Variants in CWC27 observed in about 807,000 individuals in gnomAD.
CWC27 encodes the protein CWC27 spliceosome associated cyclophilin, also known as spliceosome-associated protein CWC27 homolog.
A neutral mutation model predicts 63.6 loss-of-function variants in CWC27; 47 were observed. The ratio of observed to expected loss-of-function variants is 0.74; its 90% CI spans 0.58 to 0.94. The LOEUF (loss-of-function observed/expected upper bound fraction) is 0.94, where lower values mean the gene tolerates loss of function less well. Among genes scored for constraint, CWC27 ranks in the 40% least tolerant of loss-of-function variants. The probability of loss-of-function intolerance (pLI) is 0.00; values close to 1 mark genes in which losing one functional copy is unlikely to be tolerated. For missense variants in CWC27, 495 were observed against 554.3 expected (o/e 0.89, Z 1.07); for synonymous variants, 175 against 179.8 (o/e 0.97, Z 0.22).
intron 10 of CWC27, among the ~76,000 whole-genome samples, chr5:64,832,700 T>A (rs1379224496): frequency 2.0e-5 from 3 of 151,818 alleles, no homozygotes; most frequent in Non-Finnish European, 4.4e-5. Context: ...GAAACTGGCA[T>A]TTTTTAAAAA....
chr5:64,975,297 A>G (rs748070195), intron 12 of CWC27, among the ~76,000 whole-genome samples: 1 of 152,118 alleles, frequency 6.6e-6, no homozygotes, highest in Non-Finnish European at 1.5e-5. Flanking sequence ...TCTTATTGAT[A>G]CTCTCTAGAT....
intron 10 of CWC27, among the ~76,000 whole-genome samples, chr5:64,824,838 T>G (rs889674981): frequency 6.7e-6 from 1 of 148,754 alleles, no homozygotes; most frequent in Non-Finnish European, 1.5e-5. Context: ...GTTCAAGAGA[T>G]TCTCCTGCCT....
intron 10 of CWC27, among the ~76,000 whole-genome samples, chr5:64,863,230 T>C (rs1364911231): frequency 6.6e-6 from 1 of 152,154 alleles, no homozygotes; most frequent in Non-Finnish European, 1.5e-5. Context: ...TTCTGCTACC[T>C]ATAAGTTAGA....
In CWC27 at chr5:64,824,879, C is replaced by T. The variant is rs6891515; in HGVS notation, c.938+20493C>T. 6.7e-3 allele frequency among the ~76,000 whole-genome samples: 1,013 copies of T among 151,834 alleles called. 9 individuals carry two copies. The highest frequency in any genetic ancestry group is 0.023 in the African/African-American group (954 of 41,368). ...TCCCTAGTAGCTGGGACTACAGGCA[C>T]GTACCACCATGCCTAGCTAATTTTT... is the stretch of plus-strand genomic sequence containing the variant. On this transcript the variant is annotated intron_variant, in intron 10 of 13. Coordinates refer to ENST00000381070, the MANE Select transcript of CWC27 (RefSeq NM_005869.4).
intron 11 of CWC27, among the ~76,000 whole-genome samples, chr5:64,958,554 G>A (rs967678004): frequency 2.6e-5 from 4 of 152,038 alleles, no homozygotes; most frequent in East Asian, 1.9e-4. Context: ...TCCTAGATAT[G>A]AACTCATATA....
intron 11 of CWC27, among the ~76,000 whole-genome samples, chr5:64,896,048 GA>G (rs1368137017): frequency 6.6e-6 from 1 of 152,136 alleles, no homozygotes; most frequent in African/African-American, 2.4e-5. Flanking sequence ...AAAACTAAAA[GA>G]GGATAAAGAA....
At chr5:64,817,474 T>G (rs1745072314) in intron 10 of CWC27, among the ~76,000 whole-genome samples, 1 of 152,130 alleles carries the variant, frequency 6.6e-6, no homozygotes, top group South Asian at 2.1e-4. Flanking sequence ...TAGAAATCAT[T>G]TTTTTCTACA....
intron 10 of CWC27, among the ~76,000 whole-genome samples, chr5:64,877,968 AT>A: frequency 6.6e-6 from 1 of 152,110 alleles, no homozygotes; most frequent in Admixed American, 6.5e-5. Context: ...CAAGGAAATA[AT>A]TTTAATTCAA....
At chr5:64,950,067 T>C (rs1444084779) in intron 11 of CWC27, among the ~76,000 whole-genome samples, 2 of 152,026 alleles carry the variant, frequency 1.3e-5, no homozygotes, top group Non-Finnish European at 2.9e-5. Context: ...AATAACTTTA[T>C]ATTGATTACA....
intron 12 of CWC27, among the ~76,000 whole-genome samples, chr5:64,974,972 T>G (rs926479649): frequency 2.0e-5 from 3 of 152,176 alleles, no homozygotes; most frequent in African/African-American, 4.8e-5. Flanking sequence ...TTCTATAACC[T>G]CTACTCTAAA....
intron 10 of CWC27, among the ~76,000 whole-genome samples, chr5:64,869,897 G>GA (rs753509004): frequency 1.4e-4 from 22 of 151,806 alleles, no homozygotes; most frequent in Non-Finnish European, 2.2e-4. Flanking sequence ...GTTACAGTTG[G>GA]AAAAATACAA....
At position 64,786,574 on chromosome 5, in the gene CWC27, GA is replaced by G; in HGVS notation, c.552del (p.Glu185ArgfsTer7). 2 of 1,591,594 alleles carry G rather than the reference GA, an allele frequency of 1.3e-6. No homozygotes were observed. Among genetic ancestry groups the G allele is most frequent in the Non-Finnish European group, 1.7e-6 (2 of 1,170,702 alleles). Reference sequence around the variant, plus strand: ...TCATTCCAAGGGAAATTAAAAGGCTGAAAAAAGAGAAACCAGAGGAGGAAGT... The same window carrying G: ...TCATTCCAAGGGAAATTAAAAGGCTGAAAAAGAGAAACCAGAGGAGGAAGT... ...DIIPREIKRL[K>X]KEKPEEEVKK... On this transcript the variant is annotated frameshift_variant, in exon 6 of 14. Transcript: ENST00000381070. LOFTEE classifies it high-confidence loss of function.
intron 11 of CWC27, among the ~76,000 whole-genome samples, chr5:64,958,236 A>G (rs1748839006): frequency 1.3e-5 from 2 of 152,168 alleles, no homozygotes; most frequent in Admixed American, 1.3e-4. Context: ...ATATAACCCC[A>G]ATGTGATTAC....
intron 10 of CWC27, among the ~76,000 whole-genome samples, chr5:64,880,379 AG>A (rs1746906586): frequency 1.3e-5 from 2 of 151,906 alleles, no homozygotes; most frequent in Admixed American, 1.3e-4. Context: ...ACTTCTAAAA[AG>A]GTGTTTATTT....
intron 8 of CWC27, 60 bp from the exon 9 acceptor site, chr5:64,801,242 A>G: frequency 7.4e-7 from 1 of 1,342,764 alleles, no homozygotes. Flanking sequence ...TTTGGGTTAC[A>G]AAATAATTGT....
intron 11 of CWC27, among the ~76,000 whole-genome samples, chr5:64,919,466 CA>C (rs1747954852): frequency 6.6e-6 from 1 of 152,160 alleles, no homozygotes; most frequent in Non-Finnish European, 1.5e-5. Context: ...AGGTAGTGAG[CA>C]TAGTACCCTA....
intron 13 of CWC27, among the ~76,000 whole-genome samples, chr5:64,987,298 A>G (rs1470598839): frequency 6.6e-6 from 1 of 152,158 alleles, no homozygotes; most frequent in Non-Finnish European, 1.5e-5. Context: ...TTCATAGTTT[A>G]TTTAGAGTTA....
At chr5:64,964,165 T>A (rs1269838571) in intron 11 of CWC27, among the ~76,000 whole-genome samples, 1 of 152,242 alleles carries the variant, frequency 6.6e-6, no homozygotes, top group Admixed American at 6.5e-5. Flanking sequence ...AAGTTCTTAA[T>A]TGTCATTGGT....
intron 13 of CWC27, among the ~76,000 whole-genome samples, chr5:65,012,818 A>T (rs1749985771): frequency 6.6e-6 from 1 of 152,234 alleles, no homozygotes; most frequent in Admixed American, 6.5e-5. Context: ...TCAATCTGAA[A>T]GCATAAAAGC....
Sources: allele counts gnomAD v4.1 joint callset (sites outside exome capture counted in the v4.1 genomes callset), GRCh38; gene constraint gnomAD v4.1.1; transcripts MANE v1.5; gene names NCBI Gene and HGNC (gene_info 2026-07-23, HGNC 2026-07-21).